The following RAB27B variants were observed in gnomAD, a reference collection of about 807,000 sequenced individuals.
RAB27B encodes RAB27B, member RAS oncogene family, also known as ras-related protein Rab-27B.
A neutral mutation model predicts 24.6 loss-of-function variants in RAB27B; 15 were observed. That is an observed-to-expected ratio of 0.61 (90% CI 0.41 to 0.94). The LOEUF (loss-of-function observed/expected upper bound fraction) is 0.94. Among genes scored for constraint, RAB27B ranks in the 40% least tolerant of loss-of-function variants. The pLI is 0.00. For missense variants in RAB27B, 261 were observed against 266.8 expected (o/e 0.98, Z 0.15); for synonymous variants, 105 against 92.5 (o/e 1.14, Z -0.78).
chr18:54,739,167 C>A (rs1018999594), intron 2 of RAB27B, among the ~76,000 whole-genome samples: 9 of 152,092 alleles, frequency 5.9e-5, no homozygotes, highest in African/African-American at 2.2e-4. Flanking sequence ...AGAAATACTA[C>A]CTTTTGGCCA....
intron 2 of RAB27B, among the ~76,000 whole-genome samples, chr18:54,763,161 T>C (rs927690106): frequency 1.3e-5 from 2 of 152,104 alleles, no homozygotes; most frequent in Admixed American, 6.6e-5. Context: ...ATAAATAATA[T>C]AGACAAAAAG....
chr18:54,754,764 A>C (rs1568053569), intron 2 of RAB27B, among the ~76,000 whole-genome samples: 2 of 152,178 alleles, frequency 1.3e-5, no homozygotes, highest in African/African-American at 2.4e-5. Flanking sequence ...ATTATCCTGA[A>C]AGCATATATT....
chr18:54,821,763 A>T (rs1910317756), intron 2 of RAB27B, among the ~76,000 whole-genome samples: 1 of 152,132 alleles, frequency 6.6e-6, no homozygotes, highest in Admixed American at 6.6e-5. Flanking sequence ...TGTTATTTTT[A>T]TTTTTTTGAG....
At chr18:54,873,028 G>A (rs572130182) in intron 1 of RAB27B, among the ~76,000 whole-genome samples, 2 of 152,266 alleles carry the variant, frequency 1.3e-5, no homozygotes, top group South Asian at 2.1e-4. Context: ...AGATATTCTA[G>A]CTATGGAAAT....
At position 54,725,722 on chromosome 18, in the gene RAB27B, A is replaced by G. The variant is rs889778795; in HGVS notation, c.-20+7581A>G. 1.1e-4 allele frequency among the ~76,000 whole-genome samples: 17 copies of G among 151,420 alleles called. 2 individuals carry two copies. Among genetic ancestry groups the G allele is most frequent in the Non-Finnish European group, 5.9e-5 (4 of 67,750 alleles). On this transcript the variant is annotated intron_variant, in intron 2 of 4. Transcript: ENST00000586570. ...TATCAGATATCGTGAGAACTAACTCACTATCACGAGAATAGGACGAGGGAA... is the reference window on the plus strand; with the variant it reads ...TATCAGATATCGTGAGAACTAACTCGCTATCACGAGAATAGGACGAGGGAA...
At chr18:54,859,734 TTA>T (rs1241666662) in intron 1 of RAB27B, among the ~76,000 whole-genome samples, 2 of 152,196 alleles carry the variant, frequency 1.3e-5, no homozygotes, top group East Asian at 3.9e-4. Context: ...AAAGACAAAA[TTA>T]TAAATGTTTT....
chr18:54,739,456 CAAAA>C (rs34119736), intron 2 of RAB27B, among the ~76,000 whole-genome samples: 1 of 94,534 alleles, frequency 1.1e-5, no homozygotes, highest in Non-Finnish European at 2.2e-5. Flanking sequence ...AACTCCATCT[CAAAA>C]AAAAAAAAAA....
intron 2 of RAB27B, among the ~76,000 whole-genome samples, chr18:54,731,093 T>C (rs1909716758): frequency 6.6e-6 from 1 of 152,144 alleles, no homozygotes; most frequent in Admixed American, 6.6e-5. Flanking sequence ...TACACAAATG[T>C]CTAACAAGCA....
intron 2 of RAB27B, among the ~76,000 whole-genome samples, chr18:54,820,468 T>C (rs887581964): frequency 6.6e-6 from 1 of 152,166 alleles, no homozygotes; most frequent in Admixed American, 6.5e-5. Flanking sequence ...GATGGGATTG[T>C]TTTTTTCTTG....
chr18:54,723,241 G>T (rs941321050), intron 2 of RAB27B, among the ~76,000 whole-genome samples: 1 of 152,308 alleles, frequency 6.6e-6, no homozygotes, highest in Non-Finnish European at 1.5e-5. Flanking sequence ...GAGACCTTGT[G>T]CTGCTACTGT....
chr18:54,724,681 G>A (rs922806328), intron 2 of RAB27B, among the ~76,000 whole-genome samples: 4 of 151,448 alleles, frequency 2.6e-5, no homozygotes, highest in African/African-American at 9.7e-5. Context: ...GCCTGGGTAA[G>A]AGAGGTATCA....
chr18:54,777,834 C>T (rs572566350), intron 2 of RAB27B, among the ~76,000 whole-genome samples: 8 of 150,960 alleles, frequency 5.3e-5, no homozygotes, highest in East Asian at 2.0e-4. Flanking sequence ...AGTACTTCTT[C>T]GGACATAATA....
At chr18:54,791,189 C>CT (rs1909234660) in intron 2 of RAB27B, among the ~76,000 whole-genome samples, 1 of 151,286 alleles carries the variant, frequency 6.6e-6, no homozygotes, top group Admixed American at 6.6e-5. Context: ...CAATAGTGAT[C>CT]TAGAGCATTA....
intron 1 of RAB27B, among the ~76,000 whole-genome samples, chr18:54,855,786 G>C (rs1013154425): frequency 6.6e-6 from 1 of 152,216 alleles, no homozygotes; most frequent in South Asian, 2.1e-4. Context: ...TTTTAGACTG[G>C]GTTCTTCTTT....
intron 1 of RAB27B, among the ~76,000 whole-genome samples, chr18:54,850,984 G>A (rs1911563177): frequency 6.6e-6 from 1 of 151,960 alleles, no homozygotes; most frequent in Non-Finnish European, 1.5e-5. Context: ...CTGAGTTTAA[G>A]CCTTTTAATT....
intron 2 of RAB27B, among the ~76,000 whole-genome samples, chr18:54,787,455 A>T (rs1008596787): frequency 1.2e-4 from 19 of 152,200 alleles, no homozygotes; most frequent in Admixed American, 2.0e-4. Context: ...TTACTGCCCC[A>T]TGGGAGCTTC....
At chr18:54,814,136 A>G (rs907010842) in intron 2 of RAB27B, among the ~76,000 whole-genome samples, 1 of 152,186 alleles carries the variant, frequency 6.6e-6, no homozygotes, top group Non-Finnish European at 1.5e-5. Context: ...ATGAACAGTA[A>G]TTTATTTAAC....
intron 2 of RAB27B, among the ~76,000 whole-genome samples, chr18:54,772,318 A>G (rs191443646): frequency 1.6e-4 from 25 of 152,314 alleles, no homozygotes; most frequent in Admixed American, 1.4e-3. Context: ...CTTACATGCT[A>G]TGGACCCAGG....
At chr18:54,850,554 A>G (rs997835700) in intron 1 of RAB27B, among the ~76,000 whole-genome samples, 1 of 150,464 alleles carries the variant, frequency 6.6e-6, no homozygotes, top group African/African-American at 2.4e-5. Context: ...TTCAGTAGAG[A>G]TGGCGTTTCA....
Sources: gnomAD v4.1 joint callset for allele counts (sites outside exome capture counted in the v4.1 genomes callset) on GRCh38, gnomAD v4.1.1 for gene constraint, MANE v1.5 for transcripts, NCBI Gene and HGNC (gene_info 2026-07-23, HGNC 2026-07-21) for gene names.